The following COLGALT2 variants were observed in gnomAD, a reference collection of about 807,000 sequenced individuals.
COLGALT2 encodes collagen beta(1-O)galactosyltransferase 2.
Under a neutral mutation model 73.4 loss-of-function variants are expected in COLGALT2, and 49 were observed. The ratio of observed to expected loss-of-function variants is 0.67; its 90% CI spans 0.53 to 0.85. The LOEUF (loss-of-function observed/expected upper bound fraction) is 0.85. Among genes scored for constraint, COLGALT2 ranks in the 40% least tolerant of loss-of-function variants. The pLI is 0.00. For synonymous variants in COLGALT2, 295 were observed against 307.6 expected (o/e 0.96, Z 0.43); for missense variants, 722 against 790.2 (o/e 0.91, Z 1.03).
chr1:183,955,387 T>C (rs1670525148), intron 6 of COLGALT2, among the ~76,000 whole-genome samples: 1 of 152,194 alleles, frequency 6.6e-6, no homozygotes, highest in African/African-American at 2.4e-5. Context: ...AAAACACTTT[T>C]TTCTCTGCAT....
At chr1:183,944,432 T>C in intron 9 of COLGALT2, 109 bp from the exon 10 acceptor site, 1 of 1,266,872 alleles carries the variant, frequency 7.9e-7, no homozygotes. Flanking sequence ...GATTCATAAC[T>C]GGAATCTAAG....
At position 183,937,014 on chromosome 1, in the gene COLGALT2, ACT is replaced by A; in HGVS notation, c.*1745_*1746del. The A allele has an allele frequency of 1.6e-6, 2 of 1,231,468 alleles. No homozygotes were observed. The highest frequency in any genetic ancestry group is 2.0e-6 in the Non-Finnish European group (2 of 987,922). The allele number at this position is 1,231,468 out of a possible 1,614,324, so 76.3% of individuals were successfully genotyped here. A position where few individuals can be genotyped will look rare whatever the true frequency, so the allele number is the denominator to read the frequency against. ...ACAGCTTGGTGATCACTTTCTCTAG[ACT>A]CTGAGCCATGCTGTTCAACCTTAAT... On this transcript the variant is annotated 3_prime_UTR_variant, in exon 12 of 12. Transcript: ENST00000361927.
At position 183,936,514 on chromosome 1, in the gene COLGALT2, A is replaced by T; in HGVS notation, c.*2247T>A. ...TCTTAAATCTGTCAGACCAGCTGAC[A>T]GGGGAACAGGAAAAAAAAAATTCTC... On this transcript the variant is annotated 3_prime_UTR_variant, in exon 12 of 12. Transcript: ENST00000361927. 9.8e-7 allele frequency: 1 copy of T among 1,020,384 alleles called. No homozygotes were observed. 63.2% of individuals were successfully genotyped at this position (1,020,384 alleles called of 1,614,324 possible).
rs1178573063 is a variant in COLGALT2, at chr1:183,936,603, C to T, written c.*2158G>A. 1.7e-6 allele frequency: 2 copies of T among 1,177,538 alleles called. No homozygotes were observed. Among genetic ancestry groups the T allele is most frequent in the Admixed American group, 4.5e-5 (1 of 21,992 alleles). 72.9% of individuals were successfully genotyped at this position (1,177,538 alleles called of 1,614,324 possible). A position where few individuals can be genotyped will look rare whatever the true frequency, so the allele number is the denominator to read the frequency against. On this transcript the variant is annotated 3_prime_UTR_variant, in exon 12 of 12. Transcript: ENST00000361927. The stretch of plus-strand genomic sequence containing the variant: ...TTCAACCCCAGCACCCCAGCCACCT[C>T]CCACCCCATTAAAAAAGTCATTAAA...
chr1:183,999,952 C>T (rs1671870862), intron 1 of COLGALT2, among the ~76,000 whole-genome samples: 1 of 151,696 alleles, frequency 6.6e-6, no homozygotes, highest in Non-Finnish European at 1.5e-5. Context: ...TATTTTCTTC[C>T]TTGTCTCCTT....
At chr1:183,962,908 G>C (rs566646012) in intron 6 of COLGALT2, among the ~76,000 whole-genome samples, 1 of 152,282 alleles carries the variant, frequency 6.6e-6, no homozygotes, top group African/African-American at 2.4e-5. Flanking sequence ...ATACATCAGA[G>C]CCTCTTGGCG....
chr1:184,033,239 C>T (rs1012437275), intron 1 of COLGALT2, among the ~76,000 whole-genome samples: 3 of 152,246 alleles, frequency 2.0e-5, no homozygotes, highest in Admixed American at 2.0e-4. Context: ...TGGCCCCACT[C>T]TCCCTAATCA....
chr1:183,932,952 C>T (rs1208894476), downstream of COLGALT2, among the ~76,000 whole-genome samples: 1 of 152,162 alleles, frequency 6.6e-6, no homozygotes, highest in East Asian at 1.9e-4. Context: ...GGAAGGGGTT[C>T]TCGACTCTGG....
At chr1:183,931,035 G>GT (rs944457793), downstream of COLGALT2, among the ~76,000 whole-genome samples, 1 of 152,208 alleles carries the variant, frequency 6.6e-6, no homozygotes, top group Non-Finnish European at 1.5e-5. Flanking sequence ...TGTATGTAAT[G>GT]TTTTCTTAAG....
At chr1:183,955,481 A>T (rs1670527840) in intron 6 of COLGALT2, among the ~76,000 whole-genome samples, 1 of 152,228 alleles carries the variant, frequency 6.6e-6, no homozygotes, top group African/African-American at 2.4e-5. Flanking sequence ...TTGCTTTAAC[A>T]GGATCTAACC....
At position 183,972,988 on chromosome 1, in the gene COLGALT2, C is replaced by A. The variant is rs562784361; in HGVS notation, c.627+628G>T. Reference sequence around the variant, plus strand: ...TGCTGGGATCACAGGTGTGAGCCACCGCGCCTGGCATATTTGTACTGTTTG... The same window carrying A: ...TGCTGGGATCACAGGTGTGAGCCACAGCGCCTGGCATATTTGTACTGTTTG... On this transcript the variant is annotated intron_variant, in intron 4 of 11. Coordinates refer to ENST00000361927, the MANE Select transcript of COLGALT2 (RefSeq NM_015101.4). Among the ~76,000 whole-genome samples the A allele has an allele frequency of 1.4e-4, 21 of 152,300 alleles. No individual in the cohort carries two copies. The South Asian group carries it at 4.4e-3, about 32-fold the overall frequency.
chr1:183,968,997 G>C (rs1670958106), intron 5 of COLGALT2, among the ~76,000 whole-genome samples: 1 of 152,120 alleles, frequency 6.6e-6, no homozygotes, highest in Admixed American at 6.5e-5. Context: ...CCACAGAGAA[G>C]CAATCACCTT....
intron 1 of COLGALT2, among the ~76,000 whole-genome samples, chr1:183,979,929 C>G (rs1371987982): frequency 6.6e-6 from 1 of 152,044 alleles, no homozygotes; most frequent in Non-Finnish European, 1.5e-5. Flanking sequence ...ATTCTCTGAT[C>G]TAAATGACAT....
At chr1:184,000,368 A>G (rs542491355) in intron 1 of COLGALT2, among the ~76,000 whole-genome samples, 7 of 152,068 alleles carry the variant, frequency 4.6e-5, no homozygotes, top group Admixed American at 4.6e-4. Flanking sequence ...TTTCTCCCTC[A>G]GTAGTTAACG....
chr1:183,942,765 T>G (rs919161603), intron 10 of COLGALT2, among the ~76,000 whole-genome samples: 49 of 152,384 alleles, frequency 3.2e-4, no homozygotes, highest in African/African-American at 1.2e-3. Context: ...TTGATCAACC[T>G]GTGAAATTTA....
chr1:183,981,225 A>AG (rs1671340808), intron 1 of COLGALT2, among the ~76,000 whole-genome samples: 1 of 152,130 alleles, frequency 6.6e-6, no homozygotes, highest in African/African-American at 2.4e-5. Flanking sequence ...AAAATAAATA[A>AG]AGTTTCATCA....
intron 1 of COLGALT2, among the ~76,000 whole-genome samples, chr1:184,000,609 C>G (rs892930020): frequency 4.2e-5 from 6 of 143,634 alleles, no homozygotes; most frequent in Admixed American, 2.1e-4. Context: ...GATCCACCCA[C>G]GTGTTTAACA....
rs1671154726 is a variant in COLGALT2 at position 183,975,162 on chromosome 1, G to C, written c.427C>G (p.His143Asp). 6.2e-7 allele frequency: 1 copy of C among 1,613,936 alleles called. No individual in the cohort carries two copies. The highest frequency in any genetic ancestry group is 1.7e-5 in the Admixed American group (1 of 59,992). Residue 143 changes from histidine to aspartate, a missense_variant, in exon 3 of 12, where the codon CAT becomes GAT. By Grantham distance (81) the His-to-Asp change is moderately conservative. Coordinates refer to ENST00000361927, the MANE Select transcript of COLGALT2 (RefSeq NM_015101.4). ...PKHWPTSRFAHVMKLRQAALR... is the reference protein window; with the variant it reads ...PKHWPTSRFADVMKLRQAALR... ...GCTGCCTGTCGTAGTTTCATCACAT[G>C]GGCAAACCGGGAGGTTGGCCAGTGC...
chr1:183,938,982 G>T lies in COLGALT2; in HGVS notation c.1660C>A (p.Pro554Thr), dbSNP rs1279784799. ...TAGTGCGTAGGGTAGATGAGCAAGG[G>T]TTCTGCAGAGAAGGCTTTCAGGTCC... ...SRDLKAFSAE[P>T]LLIYPTHYTG... Residue 554 changes from proline (P) to threonine (T), a missense_variant, in exon 12 of 12, where the codon CCC becomes ACC. Pro to Thr is a conservative substitution (Grantham distance 38). Transcript: ENST00000361927. 1 of 1,613,990 alleles carries T rather than the reference G, an allele frequency of 6.2e-7. No homozygotes were observed. Among genetic ancestry groups the T allele is most frequent in the African/African-American group, 1.3e-5 (1 of 74,892 alleles).
Sources: gnomAD v4.1 joint callset for allele counts (sites outside exome capture counted in the v4.1 genomes callset) on GRCh38, gnomAD v4.1.1 for gene constraint, MANE v1.5 for transcripts, NCBI Gene and HGNC (gene_info 2026-07-23, HGNC 2026-07-21) for gene names.